Variants in MPP7 observed in about 807,000 individuals in gnomAD.
The protein encoded by MPP7 is MAGUK p55 scaffold protein 7.
A neutral mutation model predicts 76.5 loss-of-function variants in MPP7; 60 were observed. That is an observed-to-expected ratio of 0.78 (90% CI 0.64 to 0.97). The LOEUF (loss-of-function observed/expected upper bound fraction) is 0.97, where lower values mean the gene tolerates loss of function less well. Ranked by LOEUF, MPP7 falls within the 50% of genes least tolerant of loss-of-function variation. MPP7 has a pLI of 0.00. For missense variants in MPP7, 641 were observed against 694.0 expected (o/e 0.92, Z 0.86); for synonymous variants, 237 against 244.5 (o/e 0.97, Z 0.29).
intron 11 of MPP7, among the ~76,000 whole-genome samples, chr10:28,107,856 A>T (rs1218123268): frequency 6.6e-6 from 1 of 152,194 alleles, no homozygotes; most frequent in Non-Finnish European, 1.5e-5. Flanking sequence ...GTTTAAAGCC[A>T]TTACAGTTTC....
intron 1 of MPP7, among the ~76,000 whole-genome samples, chr10:28,332,212 G>A (rs1589050964): frequency 6.6e-6 from 1 of 151,164 alleles, no homozygotes; most frequent in East Asian, 1.9e-4. Context: ...GATAATGTTT[G>A]AGACACGTAC....
At chr10:28,262,602 A>T (rs1360581036) in intron 1 of MPP7, among the ~76,000 whole-genome samples, 30 of 152,168 alleles carry the variant, frequency 2.0e-4, no homozygotes, top group Admixed American at 2.0e-3. Flanking sequence ...TAATCTGATG[A>T]AAACTATGGA....
At chr10:28,235,782 A>G (rs1460205880) in intron 2 of MPP7, among the ~76,000 whole-genome samples, 2 of 152,232 alleles carry the variant, frequency 1.3e-5, no homozygotes, top group Non-Finnish European at 2.9e-5. Context: ...TGACTACAAA[A>G]AAGTTTTCAA....
In MPP7 at chr10:28,119,707, G is replaced by C. The variant is rs1834770061; in HGVS notation, c.896C>G (p.Ala299Gly). ...AACCAATATTTCTGGTCGTCTCAAAGCCAATCTCCTGGGAGAAAGAAGGTC... is the reference window on the plus strand; with the variant it reads ...AACCAATATTTCTGGTCGTCTCAAACCCAATCTCCTGGGAGAAAGAAGGTC... The part of the protein sequence containing the change: ...PSKHFQERRL[A>G]LRRPEILVQP... Residue 299 changes from alanine to glycine, a missense_variant, in exon 11 of 17, where the codon GCT becomes GGT. Transcript: ENST00000683449. 3 of 1,613,390 alleles carry C rather than the reference G, an allele frequency of 1.9e-6. No individual in the cohort carries two copies. The highest frequency in any genetic ancestry group is 2.5e-6 in the Non-Finnish European group (3 of 1,179,648).
chr10:28,216,151 G>A (rs1838302323), intron 2 of MPP7, among the ~76,000 whole-genome samples: 1 of 151,768 alleles, frequency 6.6e-6, no homozygotes, highest in African/African-American at 2.4e-5. Flanking sequence ...GCTGAGGCAG[G>A]AGGATTGCTT....
At chr10:28,175,706 C>G (rs1344975760) in intron 3 of MPP7, among the ~76,000 whole-genome samples, 1 of 151,970 alleles carries the variant, frequency 6.6e-6, no homozygotes, top group Non-Finnish European at 1.5e-5. Flanking sequence ...AGCTATGAAC[C>G]AAGGATTTTA....
rs773228561 is a variant in MPP7, at chr10:28,167,309, TCAAAAAAACAAA to T, written c.157-17262_157-17251del. 8.1e-5 allele frequency among the ~76,000 whole-genome samples: 6 copies of T among 74,228 alleles called. No individual in the cohort carries two copies. In the South Asian group the frequency reaches 2.0e-3, roughly 25 times the overall value. 48.7% of individuals were successfully genotyped at this position (74,228 alleles called of 152,430 possible). A position where few individuals can be genotyped will look rare whatever the true frequency, so the allele number is the denominator to read the frequency against. On this transcript the variant is annotated intron_variant, in intron 3 of 16. Coordinates refer to ENST00000683449, the MANE Select transcript of MPP7 (RefSeq NM_001318170.2). ...CTGGGCAACAGAGTGAGGCTCTGCC[TCAAAAAAACAAA>T]CAAACAAACAAACAAACAAACAAAA...
chr10:28,261,883 C>A (rs1839961237), intron 1 of MPP7, among the ~76,000 whole-genome samples: 1 of 151,872 alleles, frequency 6.6e-6, no homozygotes, highest in South Asian at 2.1e-4. Flanking sequence ...CCCATTATGG[C>A]TCACACCTGT....
At chr10:28,253,912 C>T (rs952362988) in intron 1 of MPP7, among the ~76,000 whole-genome samples, 3 of 141,202 alleles carry the variant, frequency 2.1e-5, no homozygotes, top group Non-Finnish European at 4.6e-5. Flanking sequence ...AGGAGAATCA[C>T]TTGAACCTGG....
chr10:28,143,737 T>C (rs1434920876), intron 5 of MPP7, among the ~76,000 whole-genome samples: 1 of 144,718 alleles, frequency 6.9e-6, no homozygotes, highest in Non-Finnish European at 1.6e-5. Context: ...CTTTTCTCAT[T>C]TTTTCCCAAA....
intron 1 of MPP7, among the ~76,000 whole-genome samples, chr10:28,264,585 T>C (rs1014885767): frequency 6.6e-6 from 1 of 151,722 alleles, no homozygotes; most frequent in African/African-American, 2.4e-5. Context: ...TTTTTTTTTT[T>C]TTTAAATAAA....
chr10:28,258,401 T>TAC (rs1452801066), intron 1 of MPP7, among the ~76,000 whole-genome samples: 1 of 141,174 alleles, frequency 7.1e-6, no homozygotes, highest in Non-Finnish European at 1.5e-5. Flanking sequence ...TATATATATA[T>TAC]ATATAAATTT....
rs1851429987 is a variant in MPP7 at position 28,053,388 on chromosome 10, A to G, written c.*677T>C. On this transcript the variant is annotated 3_prime_UTR_variant, in exon 17 of 17. Coordinates refer to ENST00000683449, the MANE Select transcript of MPP7 (RefSeq NM_001318170.2). ...TTCGTTACATATATAATAACTGTTAAAAGTCTACTTTCCCTTATTAAATGT... is the reference window on the plus strand; with the variant it reads ...TTCGTTACATATATAATAACTGTTAGAAGTCTACTTTCCCTTATTAAATGT... 1 of 152,216 alleles carries G rather than the reference A, an allele frequency of 6.6e-6. No individual in the cohort carries two copies. Among genetic ancestry groups the G allele is most frequent in the Admixed American group, 6.5e-5 (1 of 15,280 alleles). The allele number at this position is 152,216 out of a possible 1,614,324, so 9.4% of individuals were successfully genotyped here.
chr10:28,272,688 A>G (rs900718711), intron 1 of MPP7, among the ~76,000 whole-genome samples: 1 of 152,152 alleles, frequency 6.6e-6, no homozygotes. Context: ...TTAATTTTAT[A>G]TACACTGTTG....
chr10:28,242,711 A>G (rs1481836577), intron 1 of MPP7, among the ~76,000 whole-genome samples: 1 of 152,202 alleles, frequency 6.6e-6, no homozygotes, highest in African/African-American at 2.4e-5. Context: ...AATGGTGAAA[A>G]GCAATGGTCA....
chr10:28,088,892 T>C (rs181157421), intron 12 of MPP7, among the ~76,000 whole-genome samples: 3 of 152,278 alleles, frequency 2.0e-5, no homozygotes, highest in African/African-American at 7.2e-5. Flanking sequence ...CCTTTTTATT[T>C]TGAGACAGAG....
chr10:28,143,816 A>G (rs1333524579), intron 5 of MPP7, among the ~76,000 whole-genome samples: 1 of 136,550 alleles, frequency 7.3e-6, no homozygotes, highest in East Asian at 2.0e-4. Flanking sequence ...GCTTCCTTCC[A>G]CCCATCCCAC....
chr10:28,132,691 C>T (rs1266216790), intron 5 of MPP7, among the ~76,000 whole-genome samples: 1 of 152,146 alleles, frequency 6.6e-6, no homozygotes, highest in Non-Finnish European at 1.5e-5. Context: ...CCTCCACCTC[C>T]CAGGTTCAAG....
chr10:28,229,920 G>A (rs1838825221), intron 2 of MPP7, among the ~76,000 whole-genome samples: 1 of 148,290 alleles, frequency 6.7e-6, no homozygotes, highest in Admixed American at 6.7e-5. Flanking sequence ...AAAGAACTGT[G>A]ACAATGATAT....
Sources: allele counts gnomAD v4.1 joint callset (sites outside exome capture counted in the v4.1 genomes callset), GRCh38; gene constraint gnomAD v4.1.1; transcripts MANE v1.5; gene names NCBI Gene and HGNC (gene_info 2026-07-23, HGNC 2026-07-21).